The following CD33 variants were observed in gnomAD, a reference collection of about 807,000 sequenced individuals.
CD33 encodes myeloid cell surface antigen CD33.
CD33 carries 25 observed loss-of-function variants against 31.4 expected under a neutral mutation model. The observed-to-expected ratio is 0.80, with a 90% confidence interval of 0.58 to 1.11. The LOEUF is 1.11. CD33 is among the 50% of genes most tolerant of loss of function. CD33 has a pLI of 0.00. For synonymous variants in CD33, 176 were observed against 180.6 expected (o/e 0.97, Z 0.20); for missense variants, 407 against 448.1 (o/e 0.91, Z 0.83).
chr19:51,228,632 A>G (rs1235243490), intron 4 of CD33, among the ~76,000 whole-genome samples: 1 of 152,204 alleles, frequency 6.6e-6, no homozygotes, highest in African/African-American at 2.4e-5. Context: ...AAATTCATTT[A>G]TCAGTTCTGA....
intron 1 of CD33, 24 bp from the exon 2 acceptor site, chr19:51,225,194 G>A (rs759261299): frequency 9.9e-6 from 16 of 1,613,354 alleles, no homozygotes; most frequent in African/African-American, 4.0e-5. Flanking sequence ...GGGCTGGGCC[G>A]AGCTGACCCT....
chr19:51,230,964 C>T (rs1466303130), intron 4 of CD33, among the ~76,000 whole-genome samples: 8 of 152,188 alleles, frequency 5.3e-5, no homozygotes, highest in Non-Finnish European at 7.3e-5. Context: ...CATAAAACCC[C>T]TCGTGGCTTG....
the CD33 span, among the ~76,000 whole-genome samples, chr19:51,215,967 G>A: frequency 6.6e-6 from 1 of 152,162 alleles, no homozygotes; most frequent in East Asian, 1.9e-4. Context: ...GAACAGCCTT[G>A]TCTCCTTGTT....
At chr19:51,236,100 G>C in intron 6 of CD33, 2 of 465,538 alleles carry the variant, frequency 4.3e-6, no homozygotes, top group Non-Finnish European at 7.9e-6. Context: ...AGAGCTTGTA[G>C]TGAGCCGACA....
At chr19:51,228,367 G>T (rs900975104) in intron 4 of CD33, among the ~76,000 whole-genome samples, 1 of 152,072 alleles carries the variant, frequency 6.6e-6, no homozygotes, top group Non-Finnish European at 1.5e-5. Context: ...AATCATTTTA[G>T]CAATATTAAT....
chr19:51,238,082 T>C (rs1173029209), intron 6 of CD33: 4 of 152,152 alleles, frequency 2.6e-5, no homozygotes, highest in African/African-American at 9.7e-5. Context: ...TCCACAGATA[T>C]CATAGATGTC....
the CD33 span, among the ~76,000 whole-genome samples, chr19:51,218,729 T>G: frequency 3.3e-5 from 5 of 152,204 alleles, no homozygotes; most frequent in Admixed American, 3.3e-4. Context: ...GTCCATTGCA[T>G]TATTCTGCAC....
upstream of CD33, among the ~76,000 whole-genome samples, chr19:51,223,310 A>G (rs1425799890): frequency 2.6e-5 from 4 of 152,170 alleles, no homozygotes; most frequent in East Asian, 7.7e-4. Context: ...TTTACTGGAG[A>G]CTTAATTTGT....
chr19:51,235,415 G>A, intron 5 of CD33, 162 bp downstream of exon 5: 7 of 1,277,014 alleles, frequency 5.5e-6, no homozygotes, highest in South Asian at 3.0e-5. Flanking sequence ...TCTATTCCAG[G>A]GCCCTGATCT....
chr19:51,214,410 C>T, the CD33 span, among the ~76,000 whole-genome samples: 3 of 151,100 alleles, frequency 2.0e-5, no homozygotes, highest in African/African-American at 7.3e-5. Context: ...GTTGGTCAGG[C>T]TGGTCTCGAA....
the CD33 span, among the ~76,000 whole-genome samples, chr19:51,214,489 C>A: frequency 6.6e-6 from 1 of 152,166 alleles, no homozygotes; most frequent in Admixed American, 6.5e-5. Context: ...AGCCACTGTG[C>A]CAGGCCTCAT....
chr19:51,222,663 A>G (rs1173237999), upstream of CD33, among the ~76,000 whole-genome samples: 6 of 152,216 alleles, frequency 3.9e-5, no homozygotes, highest in Non-Finnish European at 8.8e-5. Context: ...ACTCACAATG[A>G]AAGAGGACAT....
chr19:51,235,185 T>C lies in CD33; in HGVS notation c.774T>C (p.Val258=), dbSNP rs774775069. The C allele has an allele frequency of 1.2e-6, 2 of 1,614,170 alleles. No homozygotes were observed. ...SGKQETRAGV[V]HGAIGGAGVT... ...AACAAGAGACCAGAGCAGGAGTGGT[T>C]CATGGGGCCATTGGAGGAGCTGGTG... The change falls in exon 5 of 7, where the codon GTT becomes GTC. Residue 258 remains valine, a synonymous_variant. Transcript: ENST00000262262.
At chr19:51,231,348 C>T (rs1568434441) in intron 4 of CD33, among the ~76,000 whole-genome samples, 1 of 152,236 alleles carries the variant, frequency 6.6e-6, no homozygotes, top group Admixed American at 6.5e-5. Flanking sequence ...CTTGTCTTGT[C>T]TCATTCCTTT....
At chr19:51,216,219 C>G in the CD33 span, among the ~76,000 whole-genome samples, 3 of 105,664 alleles carry the variant, frequency 2.8e-5, no homozygotes, top group Non-Finnish European at 4.0e-5. Flanking sequence ...TTAAATGTCA[C>G]CCGAGTGTGT....
At chr19:51,228,563 A>G (rs1162568721) in intron 4 of CD33, among the ~76,000 whole-genome samples, 1 of 152,172 alleles carries the variant, frequency 6.6e-6, no homozygotes, top group Non-Finnish European at 1.5e-5. Context: ...CAGCTAATTC[A>G]TTGTGTGTAG....
intron 6 of CD33, chr19:51,236,532 T>C (rs1981817732): frequency 6.6e-6 from 1 of 152,596 alleles, no homozygotes; most frequent in African/African-American, 2.4e-5. Context: ...TGCACTTGTA[T>C]GCAAGTCCTT....
In CD33 at chr19:51,235,971, A is replaced by G. The variant is rs10409348; in HGVS notation, c.924+295A>G. ...CAGGAGATTGAGACTATCCTGGCTAACATGGTGAAACCCCGTCTCTACTAA... is the reference window on the plus strand; with the variant it reads ...CAGGAGATTGAGACTATCCTGGCTAGCATGGTGAAACCCCGTCTCTACTAA... On this transcript the variant is annotated intron_variant, in intron 6 of 6. Coordinates refer to ENST00000262262, the MANE Select transcript of CD33 (RefSeq NM_001772.4). 0.57 allele frequency: 383,139 copies of G among 670,250 alleles called. 115,256 individuals are homozygous for G. Among genetic ancestry groups the G allele is most frequent in the African/African-American group, 0.74 (41,841 of 56,198 alleles). The allele number at this position is 670,250 out of a possible 1,614,324, so 41.5% of individuals were successfully genotyped here.
intron 6 of CD33, chr19:51,238,089 T>A (rs950845453): frequency 6.6e-6 from 1 of 152,198 alleles, no homozygotes; most frequent in Non-Finnish European, 1.5e-5. Flanking sequence ...ATATCATAGA[T>A]GTCATGGATG....
Sources: gnomAD v4.1 joint callset for allele counts (sites outside exome capture counted in the v4.1 genomes callset) on GRCh38, gnomAD v4.1.1 for gene constraint, MANE v1.5 for transcripts, NCBI Gene and HGNC (gene_info 2026-07-23, HGNC 2026-07-21) for gene names.